The following ZFYVE28 variants were observed in gnomAD, a reference collection of about 807,000 sequenced individuals.
The protein encoded by ZFYVE28 is zinc finger FYVE-type containing 28, also known as lateral signaling target protein 2 homolog.
In ZFYVE28, 40 loss-of-function variants were observed where a neutral mutation model predicts 82.1. That is an observed-to-expected ratio of 0.49 (90% confidence interval 0.38 to 0.63). The LOEUF is 0.63. ZFYVE28 is among the 30% of genes least tolerant of loss of function. The pLI is 0.00. For missense variants in ZFYVE28, 1,321 were observed against 1,242.1 expected (o/e 1.06, Z -0.96); for synonymous variants, 612 against 546.1 (o/e 1.12, Z -1.68).
chr4:2,354,711 A>G (rs1267297001), intron 1 of ZFYVE28, among the ~76,000 whole-genome samples: 1 of 152,088 alleles, frequency 6.6e-6, no homozygotes, highest in African/African-American at 2.4e-5. Flanking sequence ...CACGCGCCTC[A>G]GCCTCCCAAA....
At chr4:2,305,635 A>T in intron 7 of ZFYVE28, 99 bp from the exon 8 acceptor site, 1 of 1,412,506 alleles carries the variant, frequency 7.1e-7, no homozygotes, top group East Asian at 2.4e-5. Flanking sequence ...GCACCAGCAG[A>T]ACAACAGCCA....
At position 2,339,260 on chromosome 4, in the gene ZFYVE28, C is replaced by A. The variant is rs1012972137; in HGVS notation, c.521+193G>T. Among the ~76,000 whole-genome samples the A allele has an allele frequency of 1.3e-5, 2 of 152,230 alleles. No individual in the cohort carries two copies. Among genetic ancestry groups the A allele is most frequent in the African/African-American group, 4.8e-5 (2 of 41,464 alleles). ...TGTGTCCTCTGTGCTCACCCCACTC[C>A]CTGGAAAGATGCCCCACCTCACCTC... On this transcript the variant is annotated intron_variant, in intron 4 of 12. Transcript: ENST00000290974. The surrounding 1 kb of genome is among the most constrained non-coding windows in gnomAD (Gnocchi z 5.0).
At chr4:2,289,751 A>G (rs536467607) in intron 8 of ZFYVE28, among the ~76,000 whole-genome samples, 47 of 152,312 alleles carry the variant, frequency 3.1e-4, no homozygotes, top group African/African-American at 1.1e-3. Flanking sequence ...CAGAGGTGAC[A>G]CAGCTTACCA....
rs1354547510 is a variant in ZFYVE28 at position 2,304,414 on chromosome 4, C to G, written c.1926G>C (p.Gln642His). The change falls in exon 8 of 13, where the codon CAG (glutamine) becomes CAC (histidine). Residue 642 changes from glutamine to histidine, a missense_variant. Physicochemically the swap from Gln to His is conservative, Grantham distance 24 (BLOSUM62 0). Transcript: ENST00000290974. ...DKCLPHTSGS[Q>H]VDTASGLQGE... ...CTTGCAGCCCACTCGCTGTGTCCAC[C>G]TGGGAACCTGAGGTGTGAGGCAGGC... The G allele has an allele frequency of 6.2e-7, 1 of 1,613,610 alleles. No homozygotes were observed. Among genetic ancestry groups the G allele is most frequent in the African/African-American group, 1.3e-5 (1 of 75,078 alleles).
rs1716252950 is a variant in ZFYVE28 at position 2,304,710 on chromosome 4, C to T, written c.1630G>A (p.Gly544Arg). ...QEAASEPVAE[G>R]MDGGPHKLST... ...AGCTTGTGGGGGCCGCCATCCATCC[C>T]CTCGGCCACGGGCTCCGAGGCGGCC... Residue 544 changes from glycine (G) to arginine (R), a missense_variant, in exon 8 of 13, where the codon GGG becomes AGG. Physicochemically the swap from Gly to Arg is moderately radical, Grantham distance 125. Coordinates refer to ENST00000290974, the MANE Select transcript of ZFYVE28 (RefSeq NM_020972.3). 1.9e-6 allele frequency: 3 copies of T among 1,612,686 alleles called. No homozygotes were observed. The highest frequency in any genetic ancestry group is 2.5e-6 in the Non-Finnish European group (3 of 1,179,926).
At chr4:2,338,105 A>T (rs1722144862) in intron 4 of ZFYVE28, among the ~76,000 whole-genome samples, 1 of 152,170 alleles carries the variant, frequency 6.6e-6, no homozygotes, top group Non-Finnish European at 1.5e-5. Context: ...CGAGAGAGAA[A>T]CGAATGAACA....
intron 1 of ZFYVE28, among the ~76,000 whole-genome samples, chr4:2,373,791 C>T (rs1727823673): frequency 6.6e-6 from 1 of 152,206 alleles, no homozygotes; most frequent in South Asian, 2.1e-4. Flanking sequence ...CAGCATACCA[C>T]ACGGTTTTAG....
chr4:2,385,882 C>T (rs1729207823), intron 1 of ZFYVE28, among the ~76,000 whole-genome samples: 7 of 152,222 alleles, frequency 4.6e-5, no homozygotes, highest in Non-Finnish European at 1.5e-5. Context: ...AAGTTAAAAT[C>T]ACAATTTGAC....
At position 2,409,933 on chromosome 4, in the gene ZFYVE28, C is replaced by T. The variant is rs1162811845; in HGVS notation, c.39+8352G>A. Among the ~76,000 whole-genome samples the T allele has an allele frequency of 1.3e-5, 2 of 152,248 alleles. No homozygotes were observed. Among genetic ancestry groups the T allele is most frequent in the African/African-American group, 4.8e-5 (2 of 41,472 alleles). ...CGCCAGGTGGCCACAGTCAGCGGGC[C>T]AGGCTGGCAGGGTGCTTTCCAAAGC... On this transcript the variant is annotated intron_variant, in intron 1 of 12. Transcript: ENST00000290974. This position sits in a 1 kb window ranked among gnomAD's most constrained non-coding sequence, Gnocchi z 4.4.
chr4:2,381,863 T>C (rs1187379848), intron 1 of ZFYVE28, among the ~76,000 whole-genome samples: 2 of 152,236 alleles, frequency 1.3e-5, no homozygotes, highest in African/African-American at 2.4e-5. Context: ...CAGCCCCTCC[T>C]ACCACAAGCC....
rs140095568 is a variant in ZFYVE28 at position 2,304,873 on chromosome 4, G to A, written c.1467C>T (p.Asp489=). The A allele has an allele frequency of 2.8e-3, 4,476 of 1,612,654 alleles. 7 individuals are homozygous for A. The highest frequency in any genetic ancestry group is 3.5e-3 in the Non-Finnish European group (4,176 of 1,179,856). ...CSCLDSRLHL[D]GWEVGADDAE... is the part of the protein sequence containing the mutation. Reference sequence around the variant, plus strand: ...CGTCATCCGCACCCACCTCCCAGCCGTCCAGGTGCAGCCGCGAGTCCAGGC... The same window carrying A: ...CGTCATCCGCACCCACCTCCCAGCCATCCAGGTGCAGCCGCGAGTCCAGGC... Residue 489 remains aspartate (D), a synonymous_variant, in exon 8 of 13, where the codon GAC becomes GAT. Coordinates refer to ENST00000290974, the MANE Select transcript of ZFYVE28 (RefSeq NM_020972.3).
intron 1 of ZFYVE28, among the ~76,000 whole-genome samples, chr4:2,357,581 G>A (rs1257559020): frequency 2.0e-5 from 3 of 152,306 alleles, no homozygotes; most frequent in Middle Eastern, 3.4e-3. Context: ...AGGTATGGGA[G>A]GGTGGGAGAA....
intron 1 of ZFYVE28, among the ~76,000 whole-genome samples, chr4:2,399,041 C>CCAGGGCACAAGCGTGGAGGTGAGATG: frequency 7.3e-6 from 1 of 137,478 alleles, no homozygotes; most frequent in Non-Finnish European, 1.5e-5. Flanking sequence ...GGGGTGAGAT[C>CCAGGGCACAAGCGTGGAGGTGAGATG]CAGGGCACAA....
At chr4:2,271,816 G>GA in intron 10 of ZFYVE28, 37 bp from the exon 11 acceptor site, 1 of 1,595,480 alleles carries the variant, frequency 6.3e-7, no homozygotes, top group East Asian at 2.2e-5. Context: ...TATGGTGAGG[G>GA]AGGCGGGCAA....
intron 1 of ZFYVE28, among the ~76,000 whole-genome samples, chr4:2,397,883 C>G (rs967467235): frequency 6.6e-6 from 1 of 152,082 alleles, no homozygotes; most frequent in Non-Finnish European, 1.5e-5. Flanking sequence ...CCTGGAGACA[C>G]TTTGGAGGCC....
rs868292441 is a variant in ZFYVE28, at chr4:2,418,518, A to G, written c.-195T>C. The G allele has an allele frequency of 5.9e-5, 12 of 204,112 alleles. No homozygotes were observed. The highest frequency in any genetic ancestry group is 4.5e-3 in the Middle Eastern group (2 of 448). 12.6% of individuals were successfully genotyped at this position (204,112 alleles called of 1,614,324 possible). A position where few individuals can be genotyped will look rare whatever the true frequency, so the allele number is the denominator to read the frequency against. On this transcript the variant is annotated 5_prime_UTR_variant, in exon 1 of 13. Coordinates refer to ENST00000290974, the MANE Select transcript of ZFYVE28 (RefSeq NM_020972.3). This position sits in a 1 kb window ranked among gnomAD's most constrained non-coding sequence, Gnocchi z 4.6. ...GCGGGGCAGGTGCGCGGCCCTGAGT[A>G]TGCTCTGCAAGCGGCGCGCCGGGCA...
Position 2,346,551 on chromosome 4 carries a change from C to T in ZFYVE28, c.181-4936G>A, listed in dbSNP as rs1578193007. The stretch of plus-strand genomic sequence containing the variant: ...TTAAATGAAAAAAATACCCTAACAA[C>T]ATAGTGTGAGTCTGTAACATACAAA... On this transcript the variant is annotated intron_variant, in intron 2 of 12. Coordinates refer to ENST00000290974, the MANE Select transcript of ZFYVE28 (RefSeq NM_020972.3). Among the ~76,000 whole-genome samples, 4 of 151,930 alleles carry T rather than the reference C, an allele frequency of 2.6e-5. 1 individual carries two copies. Among genetic ancestry groups the T allele is most frequent in the Admixed American group, 2.6e-4 (4 of 15,242 alleles).
chr4:2,333,766 C>T (rs1488416765), intron 6 of ZFYVE28, among the ~76,000 whole-genome samples: 2 of 152,222 alleles, frequency 1.3e-5, no homozygotes, highest in Non-Finnish European at 2.9e-5. Flanking sequence ...GCTCACAGCG[C>T]CCTGCGCCCT....
chr4:2,401,767 G>A (rs890095296), intron 1 of ZFYVE28, among the ~76,000 whole-genome samples: 7 of 152,206 alleles, frequency 4.6e-5, no homozygotes, highest in Non-Finnish European at 1.0e-4. Context: ...GCAGAGCAGA[G>A]GCCACAGTTC....
Sources: gnomAD v4.1 joint callset for allele counts (sites outside exome capture counted in the v4.1 genomes callset) on GRCh38, gnomAD v4.1.1 for gene constraint, Gnocchi (gnomAD v3.1) non-coding constraint, MANE v1.5 for transcripts, NCBI Gene and HGNC (gene_info 2026-07-23, HGNC 2026-07-21) for gene names.